Variants in CADM2 observed in about 807,000 individuals in gnomAD.
The protein encoded by CADM2 is cell adhesion molecule 2, also known as immunoglobulin superfamily member 4D.
In CADM2, 12 loss-of-function variants were observed where a neutral mutation model predicts 49.8. The ratio of observed to expected loss-of-function variants is 0.24; its 90% CI spans 0.15 to 0.39. CADM2 has a LOEUF of 0.39. CADM2 is among the 10% of genes least tolerant of loss of function. The pLI is 1.00. For synonymous variants in CADM2, 214 were observed against 175.4 expected, an observed-to-expected ratio of 1.22 and a Z score of -1.74; for missense variants, 378 against 492.3, an observed-to-expected ratio of 0.77 and a Z score of 2.20.
intron 7 of CADM2, among the ~76,000 whole-genome samples, chr3:85,958,985 C>T (rs975797674): frequency 6.6e-6 from 1 of 151,266 alleles, no homozygotes; most frequent in African/African-American, 2.4e-5. Context: ...ACGTAACAAG[C>T]CTGCATGTTC....
intron 1 of CADM2, among the ~76,000 whole-genome samples, chr3:84,982,571 A>G (rs933372343): frequency 9.9e-5 from 15 of 151,356 alleles, no homozygotes; most frequent in Non-Finnish European, 1.9e-4. Context: ...TAGAGATATG[A>G]AACCAATAAC....
At chr3:85,727,213 G>A (rs2067738518) in intron 2 of CADM2, among the ~76,000 whole-genome samples, 2 of 152,002 alleles carry the variant, frequency 1.3e-5, no homozygotes, top group Admixed American at 6.6e-5. Flanking sequence ...TCTGTTTAGA[G>A]CAGTCTACAT....
At chr3:85,501,589 CAACTT>C (rs1400635766) in intron 1 of CADM2, among the ~76,000 whole-genome samples, 2 of 151,996 alleles carry the variant, frequency 1.3e-5, no homozygotes, top group African/African-American at 4.8e-5. Flanking sequence ...TGACACCAGA[CAACTT>C]AAATTCAAAT....
intron 1 of CADM2, among the ~76,000 whole-genome samples, chr3:85,349,620 T>C (rs2031128581): frequency 6.6e-6 from 1 of 152,210 alleles, no homozygotes; most frequent in Non-Finnish European, 1.5e-5. Context: ...TAACAGAAGT[T>C]AATTTTGAAT....
At chr3:85,677,592 T>C (rs545485379) in intron 1 of CADM2, among the ~76,000 whole-genome samples, 11 of 152,220 alleles carry the variant, frequency 7.2e-5, no homozygotes, top group Non-Finnish European at 1.3e-4. Context: ...ATAAAATATA[T>C]AGATAAAATA....
intron 1 of CADM2, among the ~76,000 whole-genome samples, chr3:85,392,889 TCTTA>T (rs2034586391): frequency 6.6e-6 from 1 of 152,084 alleles, no homozygotes; most frequent in Admixed American, 6.5e-5. Context: ...TCATATTTAT[TCTTA>T]CTATCATTTT....
chr3:85,059,467 A>C (rs1029778211), intron 1 of CADM2, among the ~76,000 whole-genome samples: 2 of 152,214 alleles, frequency 1.3e-5, no homozygotes, highest in African/African-American at 4.8e-5. Flanking sequence ...TGACACTAAG[A>C]GTAGACAAGT....
intron 1 of CADM2, among the ~76,000 whole-genome samples, chr3:85,012,472 G>A (rs1022773566): frequency 6.7e-6 from 1 of 148,962 alleles, no homozygotes; most frequent in African/African-American, 2.4e-5. Flanking sequence ...TAGCATATAT[G>A]ACATTTAAAT....
At chr3:85,180,263 C>G (rs1559706237) in intron 1 of CADM2, among the ~76,000 whole-genome samples, 2 of 151,864 alleles carry the variant, frequency 1.3e-5, no homozygotes, top group South Asian at 4.1e-4. Flanking sequence ...AATCCCAGCA[C>G]TTTGGGAGGT....
chr3:85,350,765 A>G (rs547622461), intron 1 of CADM2, among the ~76,000 whole-genome samples: 19 of 151,724 alleles, frequency 1.3e-4, no homozygotes, highest in Middle Eastern at 3.4e-3. Context: ...TTATTAACGA[A>G]AAAAAAAGTA....
intron 8 of CADM2, among the ~76,000 whole-genome samples, chr3:85,974,391 C>A (rs926672281): frequency 2.0e-5 from 3 of 151,634 alleles, no homozygotes; most frequent in Non-Finnish European, 4.4e-5. Flanking sequence ...GCTTAAGCTT[C>A]TTTCTCTACA....
intron 1 of CADM2, among the ~76,000 whole-genome samples, chr3:85,324,907 G>A (rs2044707098): frequency 6.6e-6 from 1 of 152,178 alleles, no homozygotes; most frequent in African/African-American, 2.4e-5. Flanking sequence ...TTAACTGAGT[G>A]CTCAGTTGAT....
At chr3:85,645,538 C>T (rs1445413124) in intron 1 of CADM2, among the ~76,000 whole-genome samples, 1 of 151,840 alleles carries the variant, frequency 6.6e-6, no homozygotes, top group Non-Finnish European at 1.5e-5. Context: ...TATGCTAGAA[C>T]TATATTAAAG....
intron 1 of CADM2, among the ~76,000 whole-genome samples, chr3:85,287,333 C>T (rs1164823093): frequency 6.7e-6 from 1 of 149,298 alleles, no homozygotes; most frequent in East Asian, 2.0e-4. Context: ...ATACTTTTTT[C>T]TTTGAATATA....
At chr3:85,079,589 G>T (rs1036678483) in intron 1 of CADM2, among the ~76,000 whole-genome samples, 2 of 151,680 alleles carry the variant, frequency 1.3e-5, no homozygotes, top group East Asian at 3.9e-4. Context: ...AACCATGCTG[G>T]TATAAGAAAA....
At chr3:85,486,656 A>G (rs1373589015) in intron 1 of CADM2, among the ~76,000 whole-genome samples, 1 of 152,136 alleles carries the variant, frequency 6.6e-6, no homozygotes, top group African/African-American at 2.4e-5. Context: ...AAGGTTCCCA[A>G]CAGATTTGAT....
intron 1 of CADM2, among the ~76,000 whole-genome samples, chr3:85,456,836 T>A (rs943581861): frequency 7.4e-5 from 11 of 147,812 alleles, no homozygotes; most frequent in African/African-American, 2.9e-4. Context: ...TTTTTTTCTT[T>A]TTTTTTTTTT....
At chr3:85,277,401 A>G (rs1177326537) in intron 1 of CADM2, among the ~76,000 whole-genome samples, 5 of 151,322 alleles carry the variant, frequency 3.3e-5, no homozygotes, top group Non-Finnish European at 7.4e-5. Flanking sequence ...TCTATTTTTA[A>G]GTTCTTTAGA....
intron 9 of CADM2, among the ~76,000 whole-genome samples, 164 bp from the exon 10 acceptor site, chr3:86,066,501 T>C (rs1186554012): frequency 6.6e-6 from 1 of 152,162 alleles, no homozygotes; most frequent in Non-Finnish European, 1.5e-5. Flanking sequence ...ACCTGCAGCG[T>C]ACCTGAAAAC....
Sources: gnomAD v4.1 joint callset for allele counts (sites outside exome capture counted in the v4.1 genomes callset) on GRCh38, gnomAD v4.1.1 for gene constraint, MANE v1.5 for transcripts, NCBI Gene and HGNC (gene_info 2026-07-23, HGNC 2026-07-21) for gene names.